HDAC9: variants seen among roughly 807,000 people sequenced by gnomAD.
The protein encoded by HDAC9 is MEF-2 interacting transcription repressor (MITR) protein.
HDAC9 carries 41 observed loss-of-function variants against 139.4 expected under a neutral mutation model. That is an observed-to-expected ratio of 0.29 (90% CI 0.23 to 0.38). The LOEUF is 0.38. HDAC9 is among the 10% of genes least tolerant of loss of function. The pLI, the probability that HDAC9 is intolerant of heterozygous loss-of-function variation, is 1.00. For synonymous variants in HDAC9, 517 were observed against 476.2 expected (o/e 1.09, Z -1.12); for missense variants, 1,147 against 1,297.0 (o/e 0.88, Z 1.78).
intron 2 of HDAC9, among the ~76,000 whole-genome samples, chr7:18,183,157 C>A (rs1214975528): frequency 6.6e-6 from 1 of 152,026 alleles, no homozygotes; most frequent in Non-Finnish European, 1.5e-5. Flanking sequence ...CTACAGGTGC[C>A]TGCCACCACA....
chr7:18,242,941 C>G (rs1213467273), intron 2 of HDAC9, among the ~76,000 whole-genome samples: 1 of 152,250 alleles, frequency 6.6e-6, no homozygotes, highest in Non-Finnish European at 1.5e-5. Context: ...CATAAACTAG[C>G]ACAAAACAAT....
At chr7:18,106,070 G>C (rs572723585) in intron 1 of HDAC9, among the ~76,000 whole-genome samples, 1 of 152,230 alleles carries the variant, frequency 6.6e-6, no homozygotes, top group South Asian at 2.1e-4. Context: ...GGGGGAATGA[G>C]ATGTGACTGC....
chr7:18,169,342 G>C (rs968058727), intron 2 of HDAC9, among the ~76,000 whole-genome samples: 2 of 151,864 alleles, frequency 1.3e-5, no homozygotes, highest in African/African-American at 4.8e-5. Context: ...TATTTTCTCG[G>C]TTCTTCTGTC....
chr7:18,866,471 G>A (rs1337810268), intron 21 of HDAC9, among the ~76,000 whole-genome samples: 6 of 151,996 alleles, frequency 3.9e-5, no homozygotes, highest in Non-Finnish European at 7.4e-5. Flanking sequence ...TTCCTTGTTG[G>A]TTGCCCGCTC....
intron 2 of HDAC9, among the ~76,000 whole-genome samples, chr7:18,551,876 C>T (rs1394182403): frequency 6.6e-6 from 1 of 152,136 alleles, no homozygotes; most frequent in Non-Finnish European, 1.5e-5. Flanking sequence ...AACCACTACA[C>T]TTATTCTAGG....
intron 12 of HDAC9, among the ~76,000 whole-genome samples, chr7:18,717,764 G>T (rs1325750804): frequency 6.6e-6 from 1 of 151,668 alleles, no homozygotes; most frequent in African/African-American, 2.4e-5. Context: ...ACATATAATT[G>T]TACAGATGTA....
chr7:18,362,983 G>C (rs1181320963), intron 1 of HDAC9, among the ~76,000 whole-genome samples: 1 of 152,156 alleles, frequency 6.6e-6, no homozygotes, highest in Non-Finnish European at 1.5e-5. Context: ...AATACCTGGA[G>C]ATACCAGTTT....
chr7:18,821,205 C>T (rs899767118), intron 17 of HDAC9, among the ~76,000 whole-genome samples: 1 of 152,224 alleles, frequency 6.6e-6, no homozygotes, highest in Non-Finnish European at 1.5e-5. Context: ...GCTCTCATGA[C>T]CTCATCGCTG....
chr7:18,865,776 T>G (rs1228786301), intron 21 of HDAC9, among the ~76,000 whole-genome samples: 1 of 152,170 alleles, frequency 6.6e-6, no homozygotes, highest in African/African-American at 2.4e-5. Context: ...ATGTGCAGTC[T>G]ATAATGTGCA....
At chr7:18,194,259 T>A (rs1323410195) in intron 2 of HDAC9, among the ~76,000 whole-genome samples, 1 of 152,232 alleles carries the variant, frequency 6.6e-6, no homozygotes, top group African/African-American at 2.4e-5. Flanking sequence ...TTTACATATC[T>A]CTGTAGGATT....
intron 12 of HDAC9, chr7:18,668,043 A>G: frequency 1.0e-6 from 1 of 980,860 alleles, no homozygotes; most frequent in Non-Finnish European, 1.2e-6. Flanking sequence ...CAGTTTTGCC[A>G]AATGTAGACA....
intron 14 of HDAC9, among the ~76,000 whole-genome samples, chr7:18,754,356 C>A (rs1250156150): frequency 6.6e-6 from 1 of 151,932 alleles, no homozygotes. Context: ...GAAATGTGCT[C>A]TTCTGTGGTC....
chr7:18,155,181 A>G (rs907949347), intron 1 of HDAC9, among the ~76,000 whole-genome samples: 5 of 151,244 alleles, frequency 3.3e-5, no homozygotes, highest in Admixed American at 3.3e-4. Flanking sequence ...CTCCTTTTAA[A>G]CTCAAATTGG....
intron 22 of HDAC9, among the ~76,000 whole-genome samples, chr7:18,902,931 A>G (rs1244902937): frequency 1.3e-5 from 2 of 152,202 alleles, no homozygotes; most frequent in East Asian, 3.8e-4. Flanking sequence ...TAGTAATAGT[A>G]TTTATTTACA....
rs74603986 is a variant in HDAC9, at chr7:18,659,264, A to G, written c.1468-6949A>G. ...GACTTATAGACTTGTATCAAGTTATATAATTTACACAGAGGTGAACTTAAA... is the reference window on the plus strand; with the variant it reads ...GACTTATAGACTTGTATCAAGTTATGTAATTTACACAGAGGTGAACTTAAA... On this transcript the variant is annotated intron_variant, in intron 11 of 25. Coordinates refer to ENST00000686413, the MANE Select transcript of HDAC9 (RefSeq NM_178425.4). Among the ~76,000 whole-genome samples the G allele has an allele frequency of 9.9e-3, 1,507 of 152,306 alleles. 13 individuals are homozygous for G. The highest frequency in any genetic ancestry group is 0.017 in the Middle Eastern group (5 of 294).
intron 21 of HDAC9, 127 bp downstream of exon 21, chr7:18,836,124 T>C: frequency 1.8e-6 from 1 of 568,078 alleles, no homozygotes; most frequent in Non-Finnish European, 3.1e-6. Flanking sequence ...CACATAAGAA[T>C]ATGTATAAGA....
chr7:18,839,566 G>A (rs1447153575), intron 21 of HDAC9, among the ~76,000 whole-genome samples: 1 of 152,066 alleles, frequency 6.6e-6, no homozygotes, highest in African/African-American at 2.4e-5. Context: ...AGAAGAAAGA[G>A]GGAATAATGT....
intron 24 of HDAC9, among the ~76,000 whole-genome samples, chr7:18,972,321 C>T (rs559418899): frequency 6.7e-6 from 1 of 149,622 alleles, no homozygotes; most frequent in South Asian, 2.1e-4. Flanking sequence ...AGTGTGGGAT[C>T]TCCAAGCTGG....
chr7:18,710,529 CACAT>C (rs1166769481), intron 12 of HDAC9, among the ~76,000 whole-genome samples: 4 of 152,114 alleles, frequency 2.6e-5, no homozygotes, highest in Non-Finnish European at 5.9e-5. Context: ...TATATATACA[CACAT>C]ACATATTCTG....
Sources: gnomAD v4.1 joint callset for allele counts (sites outside exome capture counted in the v4.1 genomes callset) on GRCh38, gnomAD v4.1.1 for gene constraint, MANE v1.5 for transcripts, NCBI Gene and HGNC (gene_info 2026-07-23, HGNC 2026-07-21) for gene names.